The following FAM76B variants were observed in gnomAD, a reference collection of about 807,000 sequenced individuals.
The protein encoded by FAM76B is protein FAM76B.
In FAM76B, 16 loss-of-function variants were observed where a neutral mutation model predicts 51.8. The ratio of observed to expected loss-of-function variants is 0.31; its 90% CI spans 0.21 to 0.47. FAM76B has a LOEUF of 0.47. FAM76B is among the 20% of genes least tolerant of loss of function. The pLI, the probability that FAM76B is intolerant of heterozygous loss-of-function variation, is 1.00. For synonymous variants in FAM76B, 166 were observed against 129.5 expected, an observed-to-expected ratio of 1.28 and a Z score of -1.91; for missense variants, 342 against 392.6, an observed-to-expected ratio of 0.87 and a Z score of 1.09.
At chr11:95,779,794 A>C (rs1860175601) in intron 6 of FAM76B, 85 bp downstream of exon 6, 16 of 1,558,104 alleles carry the variant, frequency 1.0e-5, no homozygotes, top group East Asian at 2.3e-5. Flanking sequence ...TGATTTTGGT[A>C]AGACTTAAGT....
chr11:95,786,964 T>C (rs984686016), intron 3 of FAM76B, among the ~76,000 whole-genome samples: 1 of 152,170 alleles, frequency 6.6e-6, no homozygotes. Flanking sequence ...ATATCTTTAA[T>C]TGCGCTGTTT....
intron 1 of FAM76B, chr11:95,788,929 AACCAGTCGCTTCGCTTTCCT>A (rs2120326049): frequency 1.5e-6 from 2 of 1,349,256 alleles, no homozygotes; most frequent in Non-Finnish European, 1.9e-6. Context: ...TCTGTTCCCA[AACCAGTCGCTTCGCTTTCCT>A]GGACAGGGAA....
rs1420053810 is a variant in FAM76B at position 95,774,174 on chromosome 11, G to A, written c.930+1748C>T. On this transcript the variant is annotated intron_variant, in intron 9 of 9. Coordinates refer to ENST00000358780, the MANE Select transcript of FAM76B (RefSeq NM_144664.5). ...AGTGGTGGGAACTAGTGTAGGACAG[G>A]GAAAAGTATAGATAAACTGGAGTGA... is the stretch of plus-strand genomic sequence containing the variant. Among the ~76,000 whole-genome samples, 9 of 151,186 alleles carry A rather than the reference G, an allele frequency of 6.0e-5. 1 individual carries two copies. The South Asian group carries it at 1.0e-3, about 17-fold the overall frequency.
intron 9 of FAM76B, among the ~76,000 whole-genome samples, chr11:95,773,939 C>G (rs1379060189): frequency 1.3e-5 from 2 of 151,150 alleles, no homozygotes; most frequent in Admixed American, 1.3e-4. Flanking sequence ...TCTTGTGTCA[C>G]AGGATTCAAT....
Position 95,789,623 on chromosome 11 carries a change from C to T in FAM76B, c.-145G>A, listed in dbSNP as rs901600030. ...GCCCACCAGGGCCTCGCCGCGAGAG[C>T]CCAGGGCCCCGCGGACGACGCCACC... On this transcript the variant is annotated 5_prime_UTR_variant, in exon 1 of 10. Coordinates refer to ENST00000358780, the MANE Select transcript of FAM76B (RefSeq NM_144664.5). 3.3e-5 allele frequency: 20 copies of T among 605,060 alleles called. No individual in the cohort carries two copies. The highest frequency in any genetic ancestry group is 2.5e-4 in the South Asian group (11 of 43,414). 37.5% of individuals were successfully genotyped at this position (605,060 alleles called of 1,614,324 possible).
intron 4 of FAM76B, among the ~76,000 whole-genome samples, chr11:95,783,938 C>G (rs770480272): frequency 3.3e-5 from 5 of 152,158 alleles, no homozygotes; most frequent in Non-Finnish European, 7.3e-5. Flanking sequence ...CCATGTTTTT[C>G]AAGTTTTTAT....
At chr11:95,786,435 CATA>C in intron 3 of FAM76B, 161 bp from the exon 4 acceptor site, 1 of 646,822 alleles carries the variant, frequency 1.5e-6, no homozygotes. Context: ...ACTTTTATAC[CATA>C]TTTCTATGCA....
chr11:95,789,102 A>C, intron 1 of FAM76B: 1 of 1,402,384 alleles, frequency 7.1e-7, no homozygotes, highest in Middle Eastern at 2.7e-4. Flanking sequence ...TGCGGCATAG[A>C]CAGGTGGCTG....
At position 95,770,212 on chromosome 11, in the gene FAM76B, C is replaced by T. The variant is rs545990386; in HGVS notation, c.*1349G>A. ...AAATTCTATTTCAGGCTGAAAACCG[C>T]TGGATCAGAATATAGTCAATAACTT... On this transcript the variant is annotated 3_prime_UTR_variant, in exon 10 of 10. Coordinates refer to ENST00000358780, the MANE Select transcript of FAM76B (RefSeq NM_144664.5). 1.9e-4 allele frequency: 29 copies of T among 151,888 alleles called. No homozygotes were observed. Among genetic ancestry groups the T allele is most frequent in the African/African-American group, 4.6e-4 (19 of 41,464 alleles). 9.4% of individuals were successfully genotyped at this position (151,888 alleles called of 1,614,324 possible).
At chr11:95,784,841 C>T (rs776714547) in intron 4 of FAM76B, among the ~76,000 whole-genome samples, 3 of 152,084 alleles carry the variant, frequency 2.0e-5, no homozygotes, top group Non-Finnish European at 4.4e-5. Context: ...CCCACCTCAG[C>T]CTCCCAAAGT....
Position 95,789,459 on chromosome 11 carries a change from T to C in FAM76B, c.20A>G (p.Tyr7Cys), listed in dbSNP as rs1428375350. Residue 7 changes from tyrosine to cysteine, a missense_variant, in exon 1 of 10, where the codon TAC (tyrosine) becomes TGC (cysteine). Coordinates refer to ENST00000358780, the MANE Select transcript of FAM76B (RefSeq NM_144664.5). MAASAL[Y>C]ACTKCTQRYP... is the part of the protein sequence containing the mutation. ...ACGCTGGGTACACTTGGTGCAGGCGTACAGGGCCGAGGCCGCCATCCTGCT... is the reference window on the plus strand; with the variant it reads ...ACGCTGGGTACACTTGGTGCAGGCGCACAGGGCCGAGGCCGCCATCCTGCT... The C allele has an allele frequency of 6.2e-7, 1 of 1,608,240 alleles. No individual in the cohort carries two copies. Among genetic ancestry groups the C allele is most frequent in the Non-Finnish European group, 8.5e-7 (1 of 1,177,718 alleles).
chr11:95,775,112 CTTCT>C (rs560616335), intron 9 of FAM76B, among the ~76,000 whole-genome samples: 138 of 151,346 alleles, frequency 9.1e-4, no homozygotes, highest in African/African-American at 3.0e-3. Context: ...ACATTTAAAA[CTTCT>C]TTCACCTTAA....
At chr11:95,773,991 C>A (rs1261963199) in intron 9 of FAM76B, among the ~76,000 whole-genome samples, 1 of 151,220 alleles carries the variant, frequency 6.6e-6, no homozygotes. Context: ...CCGGTTTCCT[C>A]ACCTCAGTAA....
At chr11:95,778,800 C>T in intron 8 of FAM76B, 22 bp downstream of exon 8, 1 of 1,576,718 alleles carries the variant, frequency 6.3e-7, no homozygotes, top group South Asian at 1.2e-5. Context: ...TCTTACCAGG[C>T]TTCAATGAAC....
intron 5 of FAM76B, among the ~76,000 whole-genome samples, chr11:95,780,394 TG>T: frequency 6.6e-6 from 1 of 152,090 alleles, no homozygotes; most frequent in African/African-American, 2.4e-5. Context: ...TTGATTTCTT[TG>T]ATTCTTTCCT....
intron 9 of FAM76B, among the ~76,000 whole-genome samples, chr11:95,772,129 G>C (rs1184123011): frequency 6.6e-6 from 1 of 150,982 alleles, no homozygotes; most frequent in Non-Finnish European, 1.5e-5. Context: ...AAGCATAAGA[G>C]GTCATTTTTG....
intron 1 of FAM76B, chr11:95,789,013 C>T (rs939003684): frequency 7.4e-7 from 1 of 1,357,216 alleles, no homozygotes; most frequent in African/African-American, 1.5e-5. Context: ...AGTGCAAAAA[C>T]CGTCCCCTGC....
chr11:95,785,069 T>C (rs1236491184), intron 4 of FAM76B, among the ~76,000 whole-genome samples: 1 of 152,214 alleles, frequency 6.6e-6, no homozygotes, highest in Non-Finnish European at 1.5e-5. Context: ...TAGTCAACCT[T>C]AGTCTAAAAA....
At chr11:95,777,417 T>A (rs946031884) in intron 8 of FAM76B, among the ~76,000 whole-genome samples, 1 of 151,214 alleles carries the variant, frequency 6.6e-6, no homozygotes, top group Non-Finnish European at 1.5e-5. Flanking sequence ...GAAAGAAAAA[T>A]CTAGCAGTCA....
Sources: gnomAD v4.1 joint callset for allele counts (sites outside exome capture counted in the v4.1 genomes callset) on GRCh38, gnomAD v4.1.1 for gene constraint, MANE v1.5 for transcripts, NCBI Gene and HGNC (gene_info 2026-07-23, HGNC 2026-07-21) for gene names.